Variants in RNF13 observed in about 807,000 individuals in gnomAD.
RNF13 encodes the protein E3 ubiquitin-protein ligase RNF13.
In RNF13, 19 loss-of-function variants were observed where a neutral mutation model predicts 37.7. That is an observed-to-expected ratio of 0.50 (90% CI 0.35 to 0.74). RNF13 has a LOEUF of 0.74. Ranked by LOEUF, RNF13 falls within the 30% of genes least tolerant of loss-of-function variation. The pLI is 0.01. For missense variants in RNF13, 375 were observed against 453.0 expected, an observed-to-expected ratio of 0.83 and a Z score of 1.56; for synonymous variants, 144 against 157.8, an observed-to-expected ratio of 0.91 and a Z score of 0.65.
chr3:149,863,554 A>G (rs1724499534), intron 3 of RNF13, among the ~76,000 whole-genome samples: 2 of 151,864 alleles, frequency 1.3e-5, no homozygotes, highest in South Asian at 4.2e-4. Context: ...TAATTTTTGT[A>G]TTTTTAGTAG....
chr3:149,903,939 CTG>C (rs1457747268), intron 6 of RNF13, among the ~76,000 whole-genome samples: 1 of 128,672 alleles, frequency 7.8e-6, no homozygotes, highest in Non-Finnish European at 1.8e-5. Context: ...ATCTGTCTAT[CTG>C]TCTGTCTGTC....
intron 4 of RNF13, among the ~76,000 whole-genome samples, chr3:149,883,585 C>T (rs1319050259): frequency 6.6e-6 from 1 of 151,844 alleles, no homozygotes; most frequent in Admixed American, 6.6e-5. Context: ...AAATCCTTGT[C>T]TGCTATTCAT....
chr3:149,868,660 T>G (rs1015914256), intron 3 of RNF13, among the ~76,000 whole-genome samples: 2 of 151,360 alleles, frequency 1.3e-5, no homozygotes, highest in Non-Finnish European at 3.0e-5. Flanking sequence ...TCTCTTTCTC[T>G]TGTTATTCCA....
At chr3:149,841,086 CT>C (rs1034221807) in intron 1 of RNF13, among the ~76,000 whole-genome samples, 1 of 152,090 alleles carries the variant, frequency 6.6e-6, no homozygotes, top group African/African-American at 2.4e-5. Flanking sequence ...TTGTAATAAG[CT>C]TTTTTAGTTA....
intron 4 of RNF13, among the ~76,000 whole-genome samples, chr3:149,874,502 A>G (rs536083968): frequency 3.3e-5 from 5 of 152,258 alleles, no homozygotes; most frequent in Admixed American, 2.6e-4. Flanking sequence ...ATGCCTACCA[A>G]ACAGCACCTT....
intron 8 of RNF13, among the ~76,000 whole-genome samples, chr3:149,944,226 A>G (rs1338844972): frequency 6.6e-6 from 1 of 152,226 alleles, no homozygotes; most frequent in Admixed American, 6.5e-5. Flanking sequence ...ATTGATGGAC[A>G]TTTGGGTTGG....
intron 3 of RNF13, among the ~76,000 whole-genome samples, chr3:149,862,440 A>C (rs1724354856): frequency 6.6e-6 from 1 of 152,066 alleles, no homozygotes. Context: ...CATTATCCTG[A>C]AACTTATGTG....
At chr3:149,913,402 C>G (rs1249217545) in intron 7 of RNF13, among the ~76,000 whole-genome samples, 1 of 152,146 alleles carries the variant, frequency 6.6e-6, no homozygotes, top group African/African-American at 2.4e-5. Flanking sequence ...AAGAGAATTC[C>G]TGTTCATCCG....
intron 2 of RNF13, among the ~76,000 whole-genome samples, chr3:149,847,775 TCTC>T (rs1282190320): frequency 2.6e-5 from 4 of 152,192 alleles, no homozygotes; most frequent in African/African-American, 9.7e-5. Context: ...GGAATAAACT[TCTC>T]CTTGTCTCCT....
chr3:149,947,171 G>A (rs761503363), intron 8 of RNF13, among the ~76,000 whole-genome samples: 6 of 151,864 alleles, frequency 4.0e-5, no homozygotes, highest in East Asian at 3.8e-4. Flanking sequence ...GGCTTTTTTC[G>A]TGGTCTAATA....
intron 1 of RNF13, among the ~76,000 whole-genome samples, chr3:149,838,110 A>G (rs1208754759): frequency 6.6e-6 from 1 of 152,218 alleles, no homozygotes; most frequent in Non-Finnish European, 1.5e-5. Flanking sequence ...TCCTTGTCTC[A>G]CATCCAGGTC....
intron 4 of RNF13, among the ~76,000 whole-genome samples, chr3:149,892,454 T>G (rs1248053941): frequency 2.0e-5 from 3 of 152,168 alleles, no homozygotes; most frequent in Non-Finnish European, 4.4e-5. Context: ...AGTTTATATG[T>G]AGACAACCGC....
intron 4 of RNF13, among the ~76,000 whole-genome samples, chr3:149,884,637 G>T (rs1192524554): frequency 6.6e-6 from 1 of 151,856 alleles, no homozygotes; most frequent in African/African-American, 2.4e-5. Context: ...TACATAGTAG[G>T]TGTATGTATT....
chr3:149,957,241 G>A (rs1446344695), intron 8 of RNF13, among the ~76,000 whole-genome samples: 2 of 152,124 alleles, frequency 1.3e-5, no homozygotes, highest in African/African-American at 2.4e-5. Context: ...GGTACATGAA[G>A]CATTTTCTAC....
At chr3:149,957,115 A>G (rs1721941357) in intron 8 of RNF13, among the ~76,000 whole-genome samples, 1 of 152,200 alleles carries the variant, frequency 6.6e-6, no homozygotes, top group Non-Finnish European at 1.5e-5. Flanking sequence ...AAATCATAAA[A>G]ATAGATAAAT....
chr3:149,941,049 A>C (rs536022144), intron 8 of RNF13, among the ~76,000 whole-genome samples: 24 of 152,340 alleles, frequency 1.6e-4, no homozygotes, highest in Non-Finnish European at 1.2e-4. Flanking sequence ...TAAAGATTTC[A>C]TAATACTACA....
chr3:149,843,612 CTG>C (rs1347945193), intron 1 of RNF13, among the ~76,000 whole-genome samples: 1 of 152,202 alleles, frequency 6.6e-6, no homozygotes, highest in Admixed American at 6.5e-5. Flanking sequence ...AAACTGGTGA[CTG>C]TTGATCCATG....
chr3:149,885,094 G>A (rs561948617), intron 4 of RNF13, among the ~76,000 whole-genome samples: 1 of 152,220 alleles, frequency 6.6e-6, no homozygotes, highest in South Asian at 2.1e-4. Flanking sequence ...ACTCCATTGT[G>A]TCTAAGTACC....
At chr3:149,876,468 G>C (rs1712706030) in intron 4 of RNF13, among the ~76,000 whole-genome samples, 1 of 152,094 alleles carries the variant, frequency 6.6e-6, no homozygotes, top group Non-Finnish European at 1.5e-5. Context: ...GCTGTAATGT[G>C]GCTTTTATAA....
Sources: gnomAD v4.1 joint callset for allele counts (sites outside exome capture counted in the v4.1 genomes callset) on GRCh38, gnomAD v4.1.1 for gene constraint, MANE v1.5 for transcripts, NCBI Gene and HGNC (gene_info 2026-07-23, HGNC 2026-07-21) for gene names.